The following TLK1 variants were observed in gnomAD, a reference collection of about 807,000 sequenced individuals.
The protein encoded by TLK1 is serine/threonine-protein kinase tousled-like 1.
In TLK1, 24 loss-of-function variants were observed where a neutral mutation model predicts 105.3. The ratio of observed to expected loss-of-function variants is 0.23; its 90% CI spans 0.17 to 0.32. TLK1 has a LOEUF of 0.32. Ranked by LOEUF, TLK1 falls within the 10% of genes least tolerant of loss-of-function variation. The pLI, the probability that TLK1 is intolerant of heterozygous loss-of-function variation, is 1.00. For missense variants in TLK1, 558 were observed against 910.5 expected (o/e 0.61, Z 4.98); for synonymous variants, 321 against 310.4 (o/e 1.03, Z -0.36).
chr2:171,221,167 T>C (rs1205904916), intron 1 of TLK1, among the ~76,000 whole-genome samples: 1 of 152,252 alleles, frequency 6.6e-6, no homozygotes, highest in African/African-American at 2.4e-5. Flanking sequence ...GTCATAGTTA[T>C]CCTTTATTTT....
intron 3 of TLK1, chr2:171,081,702 G>A (rs1191414004): frequency 7.7e-7 from 1 of 1,304,278 alleles, no homozygotes; most frequent in South Asian, 1.2e-5. Flanking sequence ...CTGCCTGCCA[G>A]TTGTTTCTGT....
chr2:171,126,549 T>G (rs761128729), intron 1 of TLK1, among the ~76,000 whole-genome samples: 6 of 152,172 alleles, frequency 3.9e-5, no homozygotes, highest in Non-Finnish European at 7.4e-5. Context: ...GCCTTAAGTC[T>G]TAATCTTCCT....
chr2:171,137,884 A>T (rs1453393874), intron 1 of TLK1, among the ~76,000 whole-genome samples: 9 of 147,572 alleles, frequency 6.1e-5, no homozygotes, highest in South Asian at 4.3e-4. Flanking sequence ...AGTAAAAAAT[A>T]AAAAAAAAAC....
At chr2:171,134,725 CTTT>C (rs572825171) in intron 1 of TLK1, among the ~76,000 whole-genome samples, 8,551 of 103,474 alleles carry the variant, frequency 0.083, 598 homozygotes, top group African/African-American at 0.25. Context: ...ACTATTTGGC[CTTT>C]TTTTTTTTTT....
At chr2:171,223,725 T>C (rs1394466168) in intron 1 of TLK1, among the ~76,000 whole-genome samples, 2 of 151,928 alleles carry the variant, frequency 1.3e-5, no homozygotes, top group South Asian at 2.1e-4. Context: ...GGTGATCTGC[T>C]TGCCTTAGCC....
intron 3 of TLK1, among the ~76,000 whole-genome samples, chr2:171,077,325 T>C (rs1231948778): frequency 2.0e-5 from 3 of 152,202 alleles, no homozygotes; most frequent in Non-Finnish European, 4.4e-5. Context: ...GGAAAAGATG[T>C]GTGGTTTTAT....
chr2:171,067,688 G>A (rs543371546), intron 3 of TLK1, among the ~76,000 whole-genome samples: 2 of 151,878 alleles, frequency 1.3e-5, no homozygotes, highest in African/African-American at 2.4e-5. Flanking sequence ...AGGTATACAC[G>A]TGCCAAGGTG....
At chr2:171,143,504 T>C (rs1288418103) in intron 1 of TLK1, among the ~76,000 whole-genome samples, 1 of 58,568 alleles carries the variant, frequency 1.7e-5, no homozygotes, top group Non-Finnish European at 2.8e-5. Flanking sequence ...GGACTCTATC[T>C]CCAAAAAAAA....
chr2:171,198,516 T>C (rs1693319761), intron 1 of TLK1, among the ~76,000 whole-genome samples: 1 of 152,108 alleles, frequency 6.6e-6, no homozygotes, highest in South Asian at 2.1e-4. Flanking sequence ...TGTGACAAAG[T>C]AGAGGATTGG....
intron 2 of TLK1, among the ~76,000 whole-genome samples, chr2:171,116,914 T>C (rs1216020550): frequency 3.3e-5 from 5 of 152,196 alleles, no homozygotes; most frequent in African/African-American, 1.2e-4. Context: ...ACATACCCTA[T>C]GATCTAGCAA....
In TLK1 at chr2:171,014,958, AAG is replaced by A. The variant is rs1685103364; in HGVS notation, c.1237-12_1237-11del. On this transcript the variant is annotated splice_polypyrimidine_tract_variant and intron_variant, in intron 12 of 20. Coordinates refer to ENST00000431350, the MANE Select transcript of TLK1 (RefSeq NM_012290.5). ...GGATTTCTGCCTCTTCCTGAAAATG[AAG>A]AGAGGGGACTATAACAAGCTCAATT... 3 of 1,597,416 alleles carry A rather than the reference AAG, an allele frequency of 1.9e-6. No homozygotes were observed. The highest frequency in any genetic ancestry group is 1.7e-6 in the Non-Finnish European group (2 of 1,165,216).
At chr2:170,994,483 A>G (rs1362921322) in intron 20 of TLK1, among the ~76,000 whole-genome samples, 5 of 134,878 alleles carry the variant, frequency 3.7e-5, no homozygotes, top group African/African-American at 1.4e-4. Flanking sequence ...TATAATCACT[A>G]TTTTTTTTTT....
intron 1 of TLK1, among the ~76,000 whole-genome samples, chr2:171,124,918 C>T (rs1022328956): frequency 4.6e-5 from 7 of 152,148 alleles, no homozygotes; most frequent in East Asian, 3.8e-4. Flanking sequence ...TAACATCTGC[C>T]GGCTCATCAA....
At chr2:171,102,392 T>C (rs988478234) in intron 2 of TLK1, among the ~76,000 whole-genome samples, 1 of 152,222 alleles carries the variant, frequency 6.6e-6, no homozygotes, top group Non-Finnish European at 1.5e-5. Flanking sequence ...CTCCTCATTA[T>C]GTAAAATAAG....
intron 1 of TLK1, among the ~76,000 whole-genome samples, chr2:171,203,679 G>A (rs1475983666): frequency 6.6e-6 from 1 of 152,112 alleles, no homozygotes; most frequent in Non-Finnish European, 1.5e-5. Context: ...AATTTATACA[G>A]AATATATCAG....
chr2:171,068,198 G>A (rs943131284), intron 3 of TLK1, among the ~76,000 whole-genome samples: 1 of 152,050 alleles, frequency 6.6e-6, no homozygotes, highest in Admixed American at 6.5e-5. Context: ...ATCTGGTGGT[G>A]AGCACCTGTA....
intron 18 of TLK1, among the ~76,000 whole-genome samples, chr2:171,001,959 T>C (rs974788482): frequency 1.3e-4 from 20 of 152,038 alleles, no homozygotes; most frequent in Admixed American, 1.3e-3. Context: ...TTTTGTATTT[T>C]TGATAGAGAC....
Position 171,160,471 on chromosome 2 carries a change from G to GCGGCGGCAACGGCAC in TLK1, c.-58_-44dup, listed in dbSNP as rs777081931. 12 of 1,574,060 alleles carry GCGGCGGCAACGGCAC rather than the reference G, an allele frequency of 7.6e-6. No homozygotes were observed. The East Asian group carries it at 2.5e-4, about 33-fold the overall frequency. On this transcript the variant is annotated 5_prime_UTR_variant, in exon 1 of 21. Transcript: ENST00000431350. The surrounding 1 kb of genome is among the most constrained non-coding windows in gnomAD (Gnocchi z 4.4). The stretch of plus-strand genomic sequence containing the variant: ...ACCCGACTCCCCCCCTGCGACGGCA[G>GCGGCGGCAACGGCAC]CGGCGGCAACGGCACCGGCACCCGC...
At chr2:171,200,159 A>G (rs1214623084) in intron 1 of TLK1, among the ~76,000 whole-genome samples, 2 of 152,222 alleles carry the variant, frequency 1.3e-5, no homozygotes, top group Non-Finnish European at 2.9e-5. Context: ...TTTGGAAAAC[A>G]CGGTAGAAAT....
Sources: allele counts gnomAD v4.1 joint callset (sites outside exome capture counted in the v4.1 genomes callset), GRCh38; gene constraint gnomAD v4.1.1; non-coding constraint Gnocchi (gnomAD v3.1); transcripts MANE v1.5; gene names NCBI Gene and HGNC (gene_info 2026-07-23, HGNC 2026-07-21).